Variants in CCNDBP1 observed in about 807,000 individuals in gnomAD.
The protein encoded by CCNDBP1 is cyclin D1 binding protein 1.
In CCNDBP1, 45 loss-of-function variants were observed where a neutral mutation model predicts 46.2. The ratio of observed to expected loss-of-function variants is 0.97; its 90% CI spans 0.77 to 1.25. The LOEUF (loss-of-function observed/expected upper bound fraction) is 1.25. CCNDBP1 is among the 50% of genes most tolerant of loss of function. The pLI, the probability that CCNDBP1 is intolerant of heterozygous loss-of-function variation, is 0.00. For synonymous variants in CCNDBP1, 154 were observed against 163.6 expected (o/e 0.94, Z 0.45); for missense variants, 436 against 442.1 (o/e 0.99, Z 0.12).
rs528672559 is a variant in CCNDBP1, at chr15:43,191,552, C to T, written c.737C>T (p.Ala246Val). ...CAAGAGCTCATAATCCCATGCCTTG[C>T]GCTGGTGAGAGCATCCAAAGCCTGC... The part of the protein sequence containing the change: ...DDQELIIPCL[A>V]LVRASKACLK... The change falls in exon 8 of 11, where the codon GCG becomes GTG. Residue 246 changes from alanine to valine, a missense_variant. Ala to Val is a moderately conservative substitution (Grantham distance 64). Transcript: ENST00000300213. 38 of 1,613,970 alleles carry T rather than the reference C, an allele frequency of 2.4e-5. No homozygotes were observed. The highest frequency in any genetic ancestry group is 7.7e-5 in the South Asian group (7 of 91,072).
chr15:43,190,456 C>A, intron 6 of CCNDBP1, 58 bp downstream of exon 6: 1 of 1,327,830 alleles, frequency 7.5e-7, no homozygotes, highest in South Asian at 1.2e-5. Flanking sequence ...GACCTCATGT[C>A]TAGCTTCCAG....
intron 9 of CCNDBP1, 148 bp from the exon 10 acceptor site, chr15:43,194,267 C>G (rs1310964263): frequency 3.5e-6 from 2 of 563,434 alleles, no homozygotes; most frequent in East Asian, 6.1e-5. Flanking sequence ...ATCCTGCCAC[C>G]CTAACCTAAT....
intron 7 of CCNDBP1, 109 bp from the exon 8 acceptor site, chr15:43,191,286 G>T: frequency 8.5e-7 from 1 of 1,180,244 alleles, no homozygotes; most frequent in Non-Finnish European, 1.2e-6. Context: ...TGAAGTGGCT[G>T]GCTAAGATTT....
chr15:43,185,857 A>G lies in CCNDBP1; in HGVS notation c.147A>G (p.Arg49=). Reference sequence around the variant, plus strand: ...AGGAGACCACCGAGGAGTTTAATCGAGAGATGTTCTGGAGAAGACTCAGTG... The same window carrying G: ...AGGAGACCACCGAGGAGTTTAATCGGGAGATGTTCTGGAGAAGACTCAGTG... The part of the protein sequence containing the change: ...EAQETTEEFN[R]EMFWRRLNEA... The change falls in exon 2 of 11, where the codon CGA becomes CGG. Residue 49 remains arginine, a synonymous_variant. Transcript: ENST00000300213. 6.2e-7 allele frequency: 1 copy of G among 1,611,434 alleles called. No individual in the cohort carries two copies. Among genetic ancestry groups the G allele is most frequent in the Non-Finnish European group, 8.5e-7 (1 of 1,179,888 alleles).
chr15:43,185,526 G>A lies in CCNDBP1; in HGVS notation c.28G>A (p.Ala10Thr), dbSNP rs749097158. The stretch of plus-strand genomic sequence containing the variant: ...GGCGAGCGCAACTGCACCTGCAGCC[G>A]CAGTCCCCACCCTGGCTTCGCCTTT... MASATAPAA[A>T]VPTLASPLEQ... The change falls in exon 1 of 11, where the codon GCA becomes ACA. Residue 10 changes from alanine to threonine, a missense_variant. By Grantham distance (58) the Ala-to-Thr change is moderately conservative (BLOSUM62 0). Coordinates refer to ENST00000300213, the MANE Select transcript of CCNDBP1 (RefSeq NM_012142.5). The A allele has an allele frequency of 1.9e-6, 3 of 1,595,562 alleles. No homozygotes were observed. Among genetic ancestry groups the A allele is most frequent in the African/African-American group, 1.3e-5 (1 of 74,714 alleles).
intron 3 of CCNDBP1, 98 bp from the exon 4 acceptor site, chr15:43,189,101 A>AAAAAG (rs756151109): frequency 0.011 from 1,792 of 165,628 alleles, 239 homozygotes; most frequent in South Asian, 0.02. Flanking sequence ...AAAAAAAAAA[A>AAAAAG]AAAGAAAAAG....
chr15:43,190,528 G>T, intron 6 of CCNDBP1, 130 bp downstream of exon 6: 3 of 640,594 alleles, frequency 4.7e-6, no homozygotes, highest in Non-Finnish European at 7.9e-6. Flanking sequence ...TTTTATTAAT[G>T]AAATTAATAG....
chr15:43,186,164 T>C lies in CCNDBP1; in HGVS notation c.180T>C (p.Ala60=). The change falls in exon 3 of 11, where the codon GCT becomes GCC. Residue 60 remains alanine, a synonymous_variant. Transcript: ENST00000300213. ...EMFWRRLNEA[A]VTVSREATTL... ...TCGGCCACCCCCCAGATGAGGCAGC[T>C]GTGACTGTGTCAAGGGAAGCCACGA... 1 of 1,614,144 alleles carries C rather than the reference T, an allele frequency of 6.2e-7. No individual in the cohort carries two copies. Among genetic ancestry groups the C allele is most frequent in the Non-Finnish European group, 8.5e-7 (1 of 1,179,970 alleles).
intron 8 of CCNDBP1, 126 bp from the exon 9 acceptor site, chr15:43,192,617 T>A: frequency 1.3e-6 from 1 of 781,852 alleles, no homozygotes; most frequent in Non-Finnish European, 2.2e-6. Context: ...GTTGCCCAGT[T>A]GCCCAATTTT....
chr15:43,185,632 C>G, intron 1 of CCNDBP1, 25 bp downstream of exon 1: 1 of 1,299,248 alleles, frequency 7.7e-7, no homozygotes, highest in Non-Finnish European at 1.0e-6. Context: ...TTAGAACGGG[C>G]GACGGCAGGG....
At chr15:43,186,007 C>A in intron 2 of CCNDBP1, 128 bp downstream of exon 2, 1 of 1,161,692 alleles carries the variant, frequency 8.6e-7, no homozygotes, top group Non-Finnish European at 1.3e-6. Flanking sequence ...GGTACCTTAC[C>A]CACCTCAGCA....
At chr15:43,185,715 G>A (rs2041807270) in intron 1 of CCNDBP1, 105 bp from the exon 2 acceptor site, 2 of 1,440,502 alleles carry the variant, frequency 1.4e-6, no homozygotes, top group Middle Eastern at 4.5e-4. Context: ...GGAGAGGGCG[G>A]GCTGGGGCGG....
At chr15:43,192,279 A>AATATCACATAT (rs1227182140) in intron 8 of CCNDBP1, among the ~76,000 whole-genome samples, 1 of 152,234 alleles carries the variant, frequency 6.6e-6, no homozygotes, top group Non-Finnish European at 1.5e-5. Flanking sequence ...TTTTTGCAAG[A>AATATCACATAT]ATATCATATA....
At chr15:43,186,318 G>C in intron 3 of CCNDBP1, 85 bp downstream of exon 3, 1 of 998,066 alleles carries the variant, frequency 1.0e-6, no homozygotes, top group Non-Finnish European at 1.6e-6. Context: ...TTGCACGCAC[G>C]CCAGGAGATT....
chr15:43,192,985 A>T (rs2041980612), intron 9 of CCNDBP1, 182 bp downstream of exon 9: 1 of 603,542 alleles, frequency 1.7e-6, no homozygotes, highest in East Asian at 2.8e-5. Context: ...GTTGAATTAT[A>T]ATAGCCATGA....
intron 3 of CCNDBP1, among the ~76,000 whole-genome samples, chr15:43,186,866 T>C (rs1254709022): frequency 6.6e-6 from 1 of 152,224 alleles, no homozygotes; most frequent in Non-Finnish European, 1.5e-5. Context: ...ACACAAATGA[T>C]ACATAAACAC....
intron 6 of CCNDBP1, 94 bp downstream of exon 6, chr15:43,190,492 A>G (rs1051749680): frequency 4.2e-5 from 36 of 860,758 alleles, no homozygotes; most frequent in South Asian, 1.1e-4. Context: ...TTGAATTTAT[A>G]TAAACAGTCT....
rs1232442419 is a variant in CCNDBP1 at position 43,195,774 on chromosome 15, A to G, written c.*933A>G. ...GTCTCCGCCACCTCTCATGCCCATC[A>G]TCTTCCTTTTGTAGGTGTAATTCAT... On this transcript the variant is annotated 3_prime_UTR_variant, in exon 11 of 11. Transcript: ENST00000300213. 2.0e-5 allele frequency: 3 copies of G among 152,182 alleles called. No individual in the cohort carries two copies. The highest frequency in any genetic ancestry group is 6.5e-5 in the Admixed American group (1 of 15,280). The allele number at this position is 152,182 out of a possible 1,614,324, so 9.4% of individuals were successfully genotyped here.
At chr15:43,187,532 A>G (rs1035607781) in intron 3 of CCNDBP1, among the ~76,000 whole-genome samples, 3 of 152,200 alleles carry the variant, frequency 2.0e-5, no homozygotes, top group East Asian at 1.9e-4. Flanking sequence ...GGCCTCCCAC[A>G]GTGTTGGGAT....
Sources: allele counts gnomAD v4.1 joint callset (sites outside exome capture counted in the v4.1 genomes callset), GRCh38; gene constraint gnomAD v4.1.1; transcripts MANE v1.5; gene names NCBI Gene and HGNC (gene_info 2026-07-23, HGNC 2026-07-21).